SGCZ: variants seen among roughly 807,000 people sequenced by gnomAD.
SGCZ encodes the protein zeta-sarcoglycan.
In SGCZ, 40 loss-of-function variants were observed where a neutral mutation model predicts 41.3. The observed-to-expected ratio is 0.97, with a 90% CI of 0.75 to 1.26. The LOEUF is 1.26. SGCZ is among the 50% of genes most tolerant of loss of function. The pLI is 0.00. For missense variants in SGCZ, 552 were observed against 369.8 expected (o/e 1.49, Z -4.04); for synonymous variants, 206 against 137.5 (o/e 1.50, Z -3.49).
chr8:15,168,116 G>C (rs1441149071), intron 1 of SGCZ, among the ~76,000 whole-genome samples: 1 of 152,064 alleles, frequency 6.6e-6, no homozygotes, highest in Non-Finnish European at 1.5e-5. Flanking sequence ...TTTCACCTTA[G>C]CATTTGGCTT....
At chr8:15,067,474 T>A (rs1279610324) in intron 1 of SGCZ, among the ~76,000 whole-genome samples, 2 of 152,206 alleles carry the variant, frequency 1.3e-5, no homozygotes, top group South Asian at 4.1e-4. Context: ...TTACAGAGGT[T>A]ATTCAATGTG....
At chr8:14,264,447 C>A (rs1799801070) in intron 3 of SGCZ, among the ~76,000 whole-genome samples, 2 of 152,228 alleles carry the variant, frequency 1.3e-5, no homozygotes, top group East Asian at 1.9e-4. Flanking sequence ...GACCCACATG[C>A]CAGATTTCCC....
At chr8:14,959,867 G>A (rs1191606621) in intron 1 of SGCZ, among the ~76,000 whole-genome samples, 1 of 152,108 alleles carries the variant, frequency 6.6e-6, no homozygotes, top group Non-Finnish European at 1.5e-5. Context: ...CAACATACAG[G>A]GAGCAGGTAA....
intron 2 of SGCZ, among the ~76,000 whole-genome samples, chr8:14,352,899 C>A (rs981234662): frequency 1.3e-5 from 2 of 151,952 alleles, no homozygotes; most frequent in African/African-American, 4.8e-5. Flanking sequence ...TTCTCCCTAC[C>A]CTAATTGATC....
intron 1 of SGCZ, among the ~76,000 whole-genome samples, chr8:14,621,161 C>T (rs968854821): frequency 6.6e-6 from 1 of 151,504 alleles, no homozygotes; most frequent in African/African-American, 2.4e-5. Flanking sequence ...AGCTGGAAAC[C>T]ATCATTCTCA....
chr8:14,273,866 C>G (rs1306192223), intron 3 of SGCZ, among the ~76,000 whole-genome samples: 1 of 152,134 alleles, frequency 6.6e-6, no homozygotes, highest in Non-Finnish European at 1.5e-5. Context: ...CTTCATCACC[C>G]TAGTATCTTA....
At chr8:14,431,898 T>C (rs1799952443) in intron 2 of SGCZ, among the ~76,000 whole-genome samples, 1 of 152,022 alleles carries the variant, frequency 6.6e-6, no homozygotes, top group South Asian at 2.1e-4. Context: ...TAAAAGAAGA[T>C]ACACCAATGG....
At chr8:15,028,718 T>C (rs1346838262) in intron 1 of SGCZ, among the ~76,000 whole-genome samples, 3 of 152,064 alleles carry the variant, frequency 2.0e-5, no homozygotes, top group East Asian at 1.9e-4. Flanking sequence ...ATAGCTTTAA[T>C]CATTCCTTTT....
At chr8:14,678,648 A>C (rs1232776215) in intron 1 of SGCZ, among the ~76,000 whole-genome samples, 1 of 152,218 alleles carries the variant, frequency 6.6e-6, no homozygotes, top group Non-Finnish European at 1.5e-5. Flanking sequence ...AAAACTATAT[A>C]AATGCTTATC....
intron 2 of SGCZ, among the ~76,000 whole-genome samples, chr8:14,434,029 T>C (rs903031814): frequency 6.6e-6 from 1 of 152,252 alleles, no homozygotes; most frequent in Non-Finnish European, 1.5e-5. Flanking sequence ...TTCTTGGTCA[T>C]GAAATCCTTG....
At chr8:14,125,382 T>C (rs184188155) in intron 5 of SGCZ, among the ~76,000 whole-genome samples, 4 of 151,888 alleles carry the variant, frequency 2.6e-5, no homozygotes, top group Admixed American at 2.0e-4. Context: ...CGGGCGCCTG[T>C]AGTCCCAGCT....
At position 15,237,616 on chromosome 8, in the gene SGCZ, C is replaced by A. The variant is rs1802181013; in HGVS notation, c.8G>T (p.Arg3Ile). The change falls in exon 1 of 8, where the codon AGA (arginine) becomes ATA (isoleucine). Residue 3 changes from arginine to isoleucine, a missense_variant. Arg to Ile is a moderately conservative substitution (Grantham distance 97). Coordinates refer to ENST00000382080, the MANE Select transcript of SGCZ (RefSeq NM_139167.4). ...CTCCTCAATGTCCAGGTTCGTTGAT[C>A]TGTCCATGGAGCGCAACTAAACGAA... MD[R>I]STNLDIEELK... 4 of 1,586,870 alleles carry A rather than the reference C, an allele frequency of 2.5e-6. No homozygotes were observed. The highest frequency in any genetic ancestry group is 3.4e-6 in the Non-Finnish European group (4 of 1,164,656).
intron 1 of SGCZ, among the ~76,000 whole-genome samples, chr8:14,634,498 T>C (rs920728171): frequency 6.6e-6 from 1 of 151,794 alleles, no homozygotes; most frequent in Non-Finnish European, 1.5e-5. Flanking sequence ...TGCAGAAAAA[T>C]ACTAAAATAA....
chr8:14,500,441 CT>C (rs61034936), intron 2 of SGCZ, among the ~76,000 whole-genome samples: 65,627 of 147,362 alleles, frequency 0.45, 15,484 homozygotes, highest in East Asian at 0.67. Context: ...TTTCCAGTTA[CT>C]TTTTTTTTTT....
intron 1 of SGCZ, among the ~76,000 whole-genome samples, chr8:14,904,926 G>T: frequency 6.6e-6 from 1 of 151,684 alleles, no homozygotes; most frequent in African/African-American, 2.4e-5. Flanking sequence ...TTAAATTAAA[G>T]CTTACTTTTA....
intron 1 of SGCZ, among the ~76,000 whole-genome samples, chr8:14,581,853 C>T (rs185700811): frequency 3.9e-5 from 6 of 152,218 alleles, no homozygotes; most frequent in Admixed American, 1.3e-4. Flanking sequence ...GCTTTTTATA[C>T]ACAGATGATG....
At chr8:14,188,398 C>T (rs76696893) in intron 4 of SGCZ, among the ~76,000 whole-genome samples, 3,189 of 151,806 alleles carry the variant, frequency 0.021, 41 homozygotes, top group South Asian at 0.036. Flanking sequence ...CGTACTGCAA[C>T]ATTAGTAAAC....
intron 1 of SGCZ, among the ~76,000 whole-genome samples, chr8:14,860,537 T>TGAAA (rs372354044): frequency 1.4e-5 from 1 of 69,178 alleles, no homozygotes; most frequent in Non-Finnish European, 3.1e-5. Flanking sequence ...AAGGAAAGAA[T>TGAAA]GAAAGAAAGA....
chr8:14,209,986 A>C (rs1480201016), intron 4 of SGCZ, among the ~76,000 whole-genome samples: 2 of 112,598 alleles, frequency 1.8e-5, no homozygotes, highest in Non-Finnish European at 3.5e-5. Flanking sequence ...GTGTCTTCAA[A>C]CTAACTGTAA....
Sources: allele counts gnomAD v4.1 joint callset (sites outside exome capture counted in the v4.1 genomes callset), GRCh38; gene constraint gnomAD v4.1.1; transcripts MANE v1.5; gene names NCBI Gene and HGNC (gene_info 2026-07-23, HGNC 2026-07-21).